The following SKAP2 variants were observed in gnomAD, a reference collection of about 807,000 sequenced individuals.
The protein encoded by SKAP2 is src kinase-associated phosphoprotein 2.
Under a neutral mutation model 54.9 loss-of-function variants are expected in SKAP2, and 28 were observed. That is an observed-to-expected ratio of 0.51 (90% confidence interval 0.38 to 0.70). The LOEUF is 0.70. Ranked by LOEUF, SKAP2 falls within the 30% of genes least tolerant of loss-of-function variation. The pLI, the probability that SKAP2 is intolerant of heterozygous loss-of-function variation, is 0.00. For synonymous variants in SKAP2, 137 were observed against 134.3 expected (o/e 1.02, Z -0.14); for missense variants, 356 against 424.1 (o/e 0.84, Z 1.41).
chr7:26,663,324 T>C (rs1465376554), downstream of SKAP2, among the ~76,000 whole-genome samples: 1 of 152,086 alleles, frequency 6.6e-6, no homozygotes, highest in Admixed American at 6.6e-5. Flanking sequence ...TCCTTACTTA[T>C]CTCTTAATCT....
chr7:26,681,478 C>T (rs1786496868), intron 11 of SKAP2, among the ~76,000 whole-genome samples: 1 of 152,118 alleles, frequency 6.6e-6, no homozygotes, highest in South Asian at 2.1e-4. Flanking sequence ...AAAATTAAAA[C>T]ACTCTTCATT....
At chr7:26,715,756 G>A (rs1787418437) in intron 9 of SKAP2, among the ~76,000 whole-genome samples, 1 of 152,136 alleles carries the variant, frequency 6.6e-6, no homozygotes, top group South Asian at 2.1e-4. Flanking sequence ...TCCAGCCTGG[G>A]TGACAAGAAC....
intron 9 of SKAP2, among the ~76,000 whole-genome samples, chr7:26,695,559 T>C (rs1786877087): frequency 6.6e-6 from 1 of 152,252 alleles, no homozygotes; most frequent in Non-Finnish European, 1.5e-5. Context: ...TCTCCTCCTT[T>C]ATTTTCATTA....
chr7:26,684,823 A>G lies in SKAP2; in HGVS notation c.900T>C (p.Asn300=). The G allele has an allele frequency of 1.2e-6, 2 of 1,611,678 alleles. No individual in the cohort carries two copies. Among genetic ancestry groups the G allele is most frequent in the Non-Finnish European group, 1.7e-6 (2 of 1,178,016 alleles). The change falls in exon 11 of 13, where the codon AAT becomes AAC. Residue 300 remains asparagine (N), a synonymous_variant. Coordinates refer to ENST00000345317, the MANE Select transcript of SKAP2 (RefSeq NM_003930.5). ...TSGDKSTDYA[N]FYQGLWDCTG... The stretch of plus-strand genomic sequence containing the variant: ...TACAATCCCACAATCCCTGGTAAAA[A>G]TTAGCATAATCAGTGCTCTTATCCC...
chr7:26,700,112 T>A (rs1786990643), intron 9 of SKAP2, among the ~76,000 whole-genome samples: 1 of 152,152 alleles, frequency 6.6e-6, no homozygotes. Context: ...GATGAATAGG[T>A]TGGATATGAT....
At chr7:26,864,263 G>A in intron 1 of SKAP2, 100 bp downstream of exon 1, 1 of 1,425,848 alleles carries the variant, frequency 7.0e-7, no homozygotes, top group Non-Finnish European at 9.8e-7. Flanking sequence ...TGGGAAGCGC[G>A]GGGAGGGAGG....
intron 4 of SKAP2, among the ~76,000 whole-genome samples, chr7:26,777,053 C>T (rs1783326851): frequency 6.6e-6 from 1 of 152,014 alleles, no homozygotes; most frequent in African/African-American, 2.4e-5. Flanking sequence ...CTGGGACTTC[C>T]AGGAGGTCAA....
chr7:26,802,347 C>T (rs1275585997), intron 4 of SKAP2, among the ~76,000 whole-genome samples: 1 of 147,606 alleles, frequency 6.8e-6, no homozygotes, highest in Non-Finnish European at 1.5e-5. Context: ...TCTCAGCTCA[C>T]TGCAACCTCC....
At chr7:26,822,689 C>T (rs1216787752) in intron 4 of SKAP2, among the ~76,000 whole-genome samples, 1 of 150,878 alleles carries the variant, frequency 6.6e-6, no homozygotes, top group Non-Finnish European at 1.5e-5. Context: ...TCCTGGCTAA[C>T]ACGGTGAAAC....
intron 9 of SKAP2, among the ~76,000 whole-genome samples, chr7:26,701,332 C>G (rs1787017246): frequency 1.3e-5 from 2 of 152,210 alleles, no homozygotes; most frequent in South Asian, 4.1e-4. Context: ...AAACACACAA[C>G]TGTCATACAT....
At chr7:26,728,554 T>C (rs1787757303) in intron 6 of SKAP2, among the ~76,000 whole-genome samples, 3 of 152,140 alleles carry the variant, frequency 2.0e-5, no homozygotes, top group African/African-American at 4.8e-5. Flanking sequence ...TTGGTTCTTG[T>C]AAATTCTCAA....
At chr7:26,728,274 G>A (rs902209635) in intron 6 of SKAP2, among the ~76,000 whole-genome samples, 11 of 152,130 alleles carry the variant, frequency 7.2e-5, no homozygotes, top group Admixed American at 2.6e-4. Flanking sequence ...ATAGGTTTCT[G>A]TGATCAAATC....
At chr7:26,857,882 A>G (rs1785205902) in intron 1 of SKAP2, 1 of 227,116 alleles carries the variant, frequency 4.4e-6, no homozygotes, top group Admixed American at 6.5e-5. Flanking sequence ...TAAACTAGCA[A>G]GCACAGTAAA....
intron 4 of SKAP2, among the ~76,000 whole-genome samples, chr7:26,786,111 C>A (rs948638960): frequency 6.6e-6 from 1 of 152,184 alleles, no homozygotes; most frequent in Non-Finnish European, 1.5e-5. Context: ...AGGGGCTCCT[C>A]TTGTCTGGGT....
chr7:26,846,265 C>T (rs1198579356), intron 3 of SKAP2, among the ~76,000 whole-genome samples: 2 of 151,610 alleles, frequency 1.3e-5, no homozygotes, highest in Non-Finnish European at 2.9e-5. Flanking sequence ...CTATTTAAAA[C>T]CAACAGTGAA....
chr7:26,733,528 T>C (rs1787863143), intron 6 of SKAP2, among the ~76,000 whole-genome samples: 2 of 152,020 alleles, frequency 1.3e-5, no homozygotes, highest in Non-Finnish European at 2.9e-5. Flanking sequence ...TTCAAAACAA[T>C]ATTAAAAGAG....
rs57945020 is a variant in SKAP2 at position 26,720,051 on chromosome 7, AACACACAC to A, written c.796+5369_796+5376del. On this transcript the variant is annotated intron_variant, in intron 9 of 12. Transcript: ENST00000345317. ...TGGCCCTTACCCACCACATATCTGT[AACACACAC>A]ACACACACACACACACACACACACA... Among the ~76,000 whole-genome samples the A allele has an allele frequency of 6.3e-3, 894 of 141,818 alleles. 13 individuals are homozygous for A. Among genetic ancestry groups the A allele is most frequent in the African/African-American group, 0.01 (393 of 37,864 alleles). The allele number at this position is 141,818 out of a possible 152,430, so 93.0% of individuals were successfully genotyped here.
intron 4 of SKAP2, among the ~76,000 whole-genome samples, chr7:26,799,496 C>T (rs1473659588): frequency 6.6e-6 from 1 of 152,144 alleles, no homozygotes; most frequent in African/African-American, 2.4e-5. Flanking sequence ...GGAGTCAATT[C>T]AGCAAGAGGA....
At chr7:26,746,613 T>C (rs1171814764) in intron 4 of SKAP2, 1 of 142,202 alleles carries the variant, frequency 7.0e-6, no homozygotes, top group African/African-American at 2.8e-5. Flanking sequence ...CTCAGTTCCA[T>C]ACCTTTTTTT....
Sources: allele counts gnomAD v4.1 joint callset (sites outside exome capture counted in the v4.1 genomes callset), GRCh38; gene constraint gnomAD v4.1.1; transcripts MANE v1.5; gene names NCBI Gene and HGNC (gene_info 2026-07-23, HGNC 2026-07-21).